Variants in SNX18 observed in about 807,000 individuals in gnomAD.
SNX18 encodes sorting nexin 18, also known as sorting nexin-18.
In SNX18, 35 loss-of-function variants were observed where a neutral mutation model predicts 48.7. That is an observed-to-expected ratio of 0.72 (90% CI 0.55 to 0.95). The LOEUF is 0.95. SNX18 is among the 40% of genes least tolerant of loss of function. SNX18 has a pLI of 0.00. For synonymous variants in SNX18, 492 were observed against 384.7 expected, an observed-to-expected ratio of 1.28 and a Z score of -3.26; for missense variants, 824 against 871.0, an observed-to-expected ratio of 0.95 and a Z score of 0.68.
rs1761937156 is a variant in SNX18, at chr5:54,518,720, C to A, written c.768C>A (p.Asp256Glu). 5.6e-6 allele frequency: 9 copies of A among 1,599,790 alleles called. No homozygotes were observed. Among genetic ancestry groups the A allele is most frequent in the South Asian group, 1.1e-5 (1 of 89,336 alleles). ...GEASGFVKDG[D>E]KLCVVLGPYG... ...CGTCAGGCTTCGTGAAGGACGGGGACAAGCTGTGCGTGGTGCTGGGGCCCT... is the reference window on the plus strand; with the variant it reads ...CGTCAGGCTTCGTGAAGGACGGGGAAAAGCTGTGCGTGGTGCTGGGGCCCT... The change falls in exon 1 of 2, where the codon GAC becomes GAA. Residue 256 changes from aspartate (D) to glutamate (E), a missense_variant. Asp to Glu is a conservative substitution (Grantham distance 45). Around this residue, in one of 3 missense-constraint regions of SNX18, gnomAD observed 443 missense variants for 503.6 expected, o/e 0.88. Transcript: ENST00000381410.
the SNX18 span, among the ~76,000 whole-genome samples, chr5:54,593,156 A>G: frequency 2.0e-5 from 3 of 152,190 alleles, no homozygotes; most frequent in East Asian, 5.8e-4. Context: ...TAAGGGATCT[A>G]CCTTCAGGAA....
chr5:54,567,080 C>T, the SNX18 span, among the ~76,000 whole-genome samples: 1 of 152,158 alleles, frequency 6.6e-6, no homozygotes, highest in Admixed American at 6.5e-5. Context: ...TCCCCACCCC[C>T]ACTCTCCTTG....
At chr5:54,569,135 G>C in the SNX18 span, among the ~76,000 whole-genome samples, 253 of 151,678 alleles carry the variant, frequency 1.7e-3, 1 homozygote, top group African/African-American at 5.8e-3. Flanking sequence ...GAGCCACCGC[G>C]CCCAACCACA....
chr5:54,579,933 A>G, the SNX18 span, among the ~76,000 whole-genome samples: 1 of 152,318 alleles, frequency 6.6e-6, no homozygotes, highest in South Asian at 2.1e-4. Flanking sequence ...TTTCTTGGGT[A>G]CAATATATGC....
chr5:54,581,245 T>C, the SNX18 span, among the ~76,000 whole-genome samples: 1 of 152,058 alleles, frequency 6.6e-6, no homozygotes, highest in Non-Finnish European at 1.5e-5. Flanking sequence ...ATAAATATAG[T>C]TGCATGCCAA....
At chr5:54,555,084 CTG>C in the SNX18 span, among the ~76,000 whole-genome samples, 1 of 152,226 alleles carries the variant, frequency 6.6e-6, no homozygotes, top group Admixed American at 6.5e-5. Flanking sequence ...CCTTTGTAAA[CTG>C]TTTCCTCCGC....
chr5:54,602,517 C>T, the SNX18 span, among the ~76,000 whole-genome samples: 2 of 152,114 alleles, frequency 1.3e-5, no homozygotes, highest in South Asian at 2.1e-4. Flanking sequence ...TTACCTGAGG[C>T]GAATCCATAG....
chr5:54,579,884 T>C, the SNX18 span, among the ~76,000 whole-genome samples: 3 of 152,134 alleles, frequency 2.0e-5, no homozygotes, highest in Non-Finnish European at 4.4e-5. Flanking sequence ...AAATAAACAA[T>C]AGTTTCTAAA....
the SNX18 span, among the ~76,000 whole-genome samples, chr5:54,566,772 G>A: frequency 2.0e-5 from 3 of 152,198 alleles, no homozygotes; most frequent in Non-Finnish European, 4.4e-5. Context: ...TGAAAACAGA[G>A]GCATTACCCC....
At chr5:54,629,583 C>T in the SNX18 span, among the ~76,000 whole-genome samples, 1 of 152,156 alleles carries the variant, frequency 6.6e-6, no homozygotes, top group South Asian at 2.1e-4. Context: ...TCTACTATGG[C>T]GTGAATATTA....
At chr5:54,548,246 A>C (rs1343758509), downstream of SNX18, among the ~76,000 whole-genome samples, 1 of 152,152 alleles carries the variant, frequency 6.6e-6, no homozygotes, top group African/African-American at 2.4e-5. Context: ...GGCAAGACCA[A>C]TTGTCCATGT....
At chr5:54,619,251 C>T in the SNX18 span, among the ~76,000 whole-genome samples, 1 of 152,164 alleles carries the variant, frequency 6.6e-6, no homozygotes, top group Admixed American at 6.5e-5. Flanking sequence ...TGGCTCACGC[C>T]TATAATCCCA....
the SNX18 span, among the ~76,000 whole-genome samples, chr5:54,628,191 T>C: frequency 6.6e-6 from 1 of 152,166 alleles, no homozygotes; most frequent in Admixed American, 6.5e-5. Flanking sequence ...ACTGGGATGT[T>C]ATGCTTCACC....
the SNX18 span, among the ~76,000 whole-genome samples, chr5:54,639,864 T>C: frequency 6.6e-6 from 1 of 152,198 alleles, no homozygotes; most frequent in Non-Finnish European, 1.5e-5. Context: ...GGGCATTATG[T>C]ATCAGCAAAA....
chr5:54,517,959 C>G lies in SNX18; in HGVS notation c.7C>G (p.Leu3Val). 1 of 1,513,980 alleles carries G rather than the reference C, an allele frequency of 6.6e-7. No homozygotes were observed. The allele number at this position is 1,513,980 out of a possible 1,614,324, so 93.8% of individuals were successfully genotyped here. MA[L>V]RARALYDFRS... ...CAGTCGGGGCGCCGGGACCATGGCG[C>G]TGCGCGCCCGGGCGCTGTACGACTT... is the stretch of plus-strand genomic sequence containing the variant. Residue 3 changes from leucine (L) to valine (V), a missense_variant, in exon 1 of 2, where the codon CTG becomes GTG. Transcript: ENST00000381410.
At chr5:54,601,345 G>C in the SNX18 span, among the ~76,000 whole-genome samples, 9 of 152,132 alleles carry the variant, frequency 5.9e-5, no homozygotes, top group Non-Finnish European at 7.3e-5. Context: ...GCATTCATGG[G>C]ACTCATATGA....
rs750972380 is a variant in SNX18 at position 54,518,810 on chromosome 5, G to A, written c.858G>A (p.Gln286=). 23 of 1,605,636 alleles carry A rather than the reference G, an allele frequency of 1.4e-5. No homozygotes were observed. The Admixed American group carries it at 3.4e-4, about 24-fold the overall frequency. Residue 286 remains glutamine (Q), a synonymous_variant, in exon 1 of 2, where the codon CAG becomes CAA. Coordinates refer to ENST00000381410, the MANE Select transcript of SNX18 (RefSeq NM_001102575.2). ...GCACCATCGACGACCCCACCAAGCA[G>A]ACCAAGTTCAAGGGCATGAAGAGCT... ...FQCTIDDPTK[Q]TKFKGMKSYI...
intron 1 of SNX18, among the ~76,000 whole-genome samples, chr5:54,538,938 A>G (rs974826621): frequency 2.6e-5 from 4 of 152,264 alleles, no homozygotes; most frequent in Admixed American, 6.5e-5. Context: ...TTATGGAGAC[A>G]TAATCTTCCT....
chr5:54,631,844 G>A, the SNX18 span, among the ~76,000 whole-genome samples: 1 of 152,220 alleles, frequency 6.6e-6, no homozygotes, highest in Non-Finnish European at 1.5e-5. Flanking sequence ...ATTGGAGAAT[G>A]GCCACATTCA....
Sources: allele counts gnomAD v4.1 joint callset (sites outside exome capture counted in the v4.1 genomes callset), GRCh38; gene constraint gnomAD v4.1.1; regional missense constraint gnomAD v4.1.1; transcripts MANE v1.5; gene names NCBI Gene and HGNC (gene_info 2026-07-23, HGNC 2026-07-21).